Variants in SMAD2 observed in about 807,000 individuals in gnomAD.
SMAD2 encodes the protein SMAD family member 2, also known as MAD homolog 2.
Under a neutral mutation model 64.4 loss-of-function variants are expected in SMAD2, and 8 were observed. That is an observed-to-expected ratio of 0.12 (90% CI 0.07 to 0.22). The LOEUF (loss-of-function observed/expected upper bound fraction) is 0.22. Among genes scored for constraint, SMAD2 ranks in the 10% least tolerant of loss-of-function variants. SMAD2 has a pLI of 1.00. For missense variants in SMAD2, 289 were observed against 561.2 expected (o/e 0.51, Z 4.90); for synonymous variants, 203 against 195.8 (o/e 1.04, Z -0.31).
chr18:47,854,620 A>G (rs2030487884), intron 6 of SMAD2, among the ~76,000 whole-genome samples: 1 of 144,726 alleles, frequency 6.9e-6, no homozygotes. Context: ...CTTGTCATCT[A>G]TTTGCAAATA....
rs2031719212 is a variant in SMAD2, at chr18:47,868,405, C to T, written c.573G>A (p.Pro191=). 6.2e-6 allele frequency: 10 copies of T among 1,609,282 alleles called. No individual in the cohort carries two copies. The highest frequency in any genetic ancestry group is 2.2e-5 in the South Asian group (2 of 90,938). Reference sequence around the variant, plus strand: ...TGGAGTGAGTATAGTCATCCAGAGGCGGAAGTTCTGTTAGGATCTCGGTGT... The same window carrying T: ...TGGAGTGAGTATAGTCATCCAGAGGTGGAAGTTCTGTTAGGATCTCGGTGT... The part of the protein sequence containing the change: ...PRHTEILTEL[P]PLDDYTHSIP... The change falls in exon 5 of 11, where the codon CCG becomes CCA. Residue 191 remains proline, a synonymous_variant. Coordinates refer to ENST00000262160, the MANE Select transcript of SMAD2 (RefSeq NM_005901.6).
intron 3 of SMAD2, 111 bp from the exon 4 acceptor site, chr18:47,869,547 G>C: frequency 1.3e-6 from 1 of 772,520 alleles, no homozygotes. Context: ...AAGAATGACA[G>C]CCATTTAGTT....
chr18:47,862,872 C>G (rs1474715141), intron 6 of SMAD2, among the ~76,000 whole-genome samples: 1 of 151,962 alleles, frequency 6.6e-6, no homozygotes, highest in African/African-American at 2.4e-5. Context: ...TGAAAAGGGA[C>G]TGATTATACA....
In SMAD2 at chr18:47,811,625, A is replaced by AC. The variant is rs1194991823; in HGVS notation, c.*30201dup. On this transcript the variant is annotated 3_prime_UTR_variant, in exon 11 of 11. Coordinates refer to ENST00000262160, the MANE Select transcript of SMAD2 (RefSeq NM_005901.6). The stretch of plus-strand genomic sequence containing the variant: ...CCTCCAGACCCCATCCTCACTCCAA[A>AC]CATACACATATTCCAAAGTTCATCA... 4 of 152,184 alleles carry AC rather than the reference A, an allele frequency of 2.6e-5. No homozygotes were observed. The East Asian group carries it at 7.7e-4, about 29-fold the overall frequency. 9.4% of individuals were successfully genotyped at this position (152,184 alleles called of 1,614,324 possible). A position where few individuals can be genotyped will look rare whatever the true frequency, so the allele number is the denominator to read the frequency against.
At chr18:47,916,775 T>G (rs573224546) in intron 1 of SMAD2, among the ~76,000 whole-genome samples, 4 of 152,222 alleles carry the variant, frequency 2.6e-5, no homozygotes, top group Non-Finnish European at 5.9e-5. Flanking sequence ...ACTTGGTAAT[T>G]TGTTTTGCTA....
intron 6 of SMAD2, among the ~76,000 whole-genome samples, chr18:47,859,490 G>T (rs2030996619): frequency 6.6e-6 from 1 of 152,082 alleles, no homozygotes; most frequent in South Asian, 2.1e-4. Context: ...ACTGTTAACA[G>T]AATTAAATTA....
At chr18:47,927,313 C>T (rs948044350) in intron 1 of SMAD2, among the ~76,000 whole-genome samples, 9 of 85,812 alleles carry the variant, frequency 1.0e-4, no homozygotes, top group African/African-American at 6.3e-4. Flanking sequence ...TTCCCAGTGA[C>T]ACTGAGTAAC....
intron 1 of SMAD2, among the ~76,000 whole-genome samples, chr18:47,906,073 C>G (rs1413932039): frequency 2.0e-5 from 3 of 151,772 alleles, no homozygotes; most frequent in African/African-American, 7.3e-5. Context: ...CAAGATCACT[C>G]CATTGCACTC....
Position 47,839,868 on chromosome 18 carries a change from C to CT in SMAD2, c.*1958dup, listed in dbSNP as rs1485696039. 2 of 233,116 alleles carry CT rather than the reference C, an allele frequency of 8.6e-6. No individual in the cohort carries two copies. Among genetic ancestry groups the CT allele is most frequent in the Non-Finnish European group, 1.7e-5 (2 of 118,060 alleles). 14.4% of individuals were successfully genotyped at this position (233,116 alleles called of 1,614,324 possible). On this transcript the variant is annotated 3_prime_UTR_variant, in exon 11 of 11. Transcript: ENST00000262160. ...AATGTCAGGTGTTAGCTCATGCATC[C>CT]TTTCCTTAGAGGCTTTCCTTGATGT...
At chr18:47,848,113 A>AAAAAAC (rs1472291879) in intron 8 of SMAD2, among the ~76,000 whole-genome samples, 1 of 152,062 alleles carries the variant, frequency 6.6e-6, no homozygotes, top group Non-Finnish European at 1.5e-5. Context: ...AGAAACTGAA[A>AAAAAAC]AAAAACAAAA....
At chr18:47,860,649 C>T (rs1158691773) in intron 6 of SMAD2, among the ~76,000 whole-genome samples, 5 of 152,018 alleles carry the variant, frequency 3.3e-5, no homozygotes, top group African/African-American at 1.2e-4. Context: ...CAGGAGAAAG[C>T]CCTTTCCAAC....
In SMAD2 at chr18:47,853,304, T is replaced by C. The variant is rs1229366220; in HGVS notation, c.731-1977A>G. On this transcript the variant is annotated intron_variant, in intron 6 of 10. Coordinates refer to ENST00000262160, the MANE Select transcript of SMAD2 (RefSeq NM_005901.6). ...GTGGTTTGGTTTAGACGTCCGGGAATTGCATCTGTTTTTAAGCCTAATGTG... is the reference window on the plus strand; with the variant it reads ...GTGGTTTGGTTTAGACGTCCGGGAACTGCATCTGTTTTTAAGCCTAATGTG... 4.8e-5 allele frequency: 11 copies of C among 230,066 alleles called. 3 individuals are homozygous for C. Among genetic ancestry groups the C allele is most frequent in the Non-Finnish European group, 7.2e-5 (10 of 139,602 alleles). 14.3% of individuals were successfully genotyped at this position (230,066 alleles called of 1,614,324 possible).
rs1482492856 is a variant in SMAD2 at position 47,815,204 on chromosome 18, T to A, written c.*26623A>T. The A allele has an allele frequency of 6.6e-6, 1 of 152,226 alleles. No individual in the cohort carries two copies. Among genetic ancestry groups the A allele is most frequent in the Admixed American group, 6.5e-5 (1 of 15,276 alleles). 9.4% of individuals were successfully genotyped at this position (152,226 alleles called of 1,614,324 possible). ...TGGTTTTAAGCCTGAGATAGGCTAT[T>A]TGAATCGAAAGAGAACGTTATCTTT... On this transcript the variant is annotated 3_prime_UTR_variant, in exon 11 of 11. Coordinates refer to ENST00000262160, the MANE Select transcript of SMAD2 (RefSeq NM_005901.6).
chr18:47,929,179 T>C (rs1485779545), intron 1 of SMAD2, among the ~76,000 whole-genome samples: 2 of 152,218 alleles, frequency 1.3e-5, no homozygotes, highest in Non-Finnish European at 2.9e-5. Context: ...GCTTCACTAA[T>C]TCATGTATTA....
At chr18:47,845,551 G>T (rs1914413226) in intron 9 of SMAD2, 67 bp from the exon 10 acceptor site, 1 of 1,580,952 alleles carries the variant, frequency 6.3e-7, no homozygotes, top group African/African-American at 1.3e-5. Context: ...TTTTAAAAGG[G>T]TTACAAGTTT....
chr18:47,844,056 GCATTCAGCATTCTTAACAGGTAACAA>G (rs1568033370), intron 10 of SMAD2, among the ~76,000 whole-genome samples: 1 of 151,936 alleles, frequency 6.6e-6, no homozygotes, highest in Non-Finnish European at 1.5e-5. Context: ...TTAAAAAACG[GCATTCAGCATTCTTAACAGGTAACAA>G]CATCTCAAAA....
In SMAD2 at chr18:47,850,204, ATATTATT is replaced by A. The variant is rs1914986501; in HGVS notation, c.784+1063_784+1069del. On this transcript the variant is annotated intron_variant, in intron 7 of 10. Coordinates refer to ENST00000262160, the MANE Select transcript of SMAD2 (RefSeq NM_005901.6). ...TATATATATTATATATAGTATATAT[ATATTATT>A]ATATATATGTATAATATATATTATA... 4.3e-5 allele frequency among the ~76,000 whole-genome samples: 4 copies of A among 91,964 alleles called. No individual in the cohort carries two copies. The South Asian group carries it at 1.3e-3, about 30-fold the overall frequency. 60.3% of individuals were successfully genotyped at this position (91,964 alleles called of 152,430 possible).
intron 10 of SMAD2, among the ~76,000 whole-genome samples, chr18:47,844,568 T>C (rs1914305843): frequency 6.6e-6 from 1 of 152,200 alleles, no homozygotes; most frequent in Admixed American, 6.5e-5. Flanking sequence ...TAATTGTTAC[T>C]ACTATCCTTA....
chr18:47,831,414 T>C lies in SMAD2; in HGVS notation c.*10413A>G, dbSNP rs1447883017. On this transcript the variant is annotated 3_prime_UTR_variant, in exon 11 of 11. Transcript: ENST00000262160. ...CTTCCTGGACCAAACTGTTCAGAAGTTAACTTCTTTTTCCTGTCATCACAT... is the reference window on the plus strand; with the variant it reads ...CTTCCTGGACCAAACTGTTCAGAAGCTAACTTCTTTTTCCTGTCATCACAT... 1.3e-5 allele frequency: 2 copies of C among 152,218 alleles called. No individual in the cohort carries two copies. Among genetic ancestry groups the C allele is most frequent in the Admixed American group, 6.5e-5 (1 of 15,282 alleles). The allele number at this position is 152,218 out of a possible 1,614,324, so 9.4% of individuals were successfully genotyped here.
Sources: allele counts gnomAD v4.1 joint callset (sites outside exome capture counted in the v4.1 genomes callset), GRCh38; gene constraint gnomAD v4.1.1; transcripts MANE v1.5; gene names NCBI Gene and HGNC (gene_info 2026-07-23, HGNC 2026-07-21).